The following DACH1 variants were observed in gnomAD, a reference collection of about 807,000 sequenced individuals.
DACH1 encodes the protein dachshund family transcription factor 1, also known as dachshund homolog 1.
Under a neutral mutation model 54.2 loss-of-function variants are expected in DACH1, and 12 were observed. The ratio of observed to expected loss-of-function variants is 0.22; its 90% CI spans 0.14 to 0.36. The LOEUF is 0.36. DACH1 is among the 10% of genes least tolerant of loss of function. DACH1 has a pLI of 1.00. For synonymous variants in DACH1, 386 were observed against 366.2 expected, an observed-to-expected ratio of 1.05 and a Z score of -0.62; for missense variants, 805 against 929.8, an observed-to-expected ratio of 0.87 and a Z score of 1.75.
intron 6 of DACH1, among the ~76,000 whole-genome samples, chr13:71,500,192 G>A (rs182397146): frequency 6.6e-6 from 1 of 152,226 alleles, no homozygotes; most frequent in Admixed American, 6.5e-5. Context: ...TGCCAAAAAT[G>A]AGTTTCTGAA....
intron 3 of DACH1, among the ~76,000 whole-genome samples, chr13:71,628,045 T>C (rs758466671): frequency 2.1e-4 from 32 of 152,134 alleles, no homozygotes; most frequent in Non-Finnish European, 3.5e-4. Context: ...ATTCTCATGA[T>C]ATGATACTAT....
intron 1 of DACH1, among the ~76,000 whole-genome samples, chr13:71,703,047 T>A (rs1217913118): frequency 6.6e-6 from 1 of 152,220 alleles, no homozygotes; most frequent in African/African-American, 2.4e-5. Flanking sequence ...TTTTAAACTG[T>A]TCTCTTTTTA....
chr13:71,567,198 GAATTT>G (rs1884943496), intron 4 of DACH1, among the ~76,000 whole-genome samples: 2 of 151,830 alleles, frequency 1.3e-5, no homozygotes, highest in Non-Finnish European at 2.9e-5. Flanking sequence ...GAAAATTAAC[GAATTT>G]AAGTCATATT....
At chr13:71,537,531 A>G (rs1203329544) in intron 6 of DACH1, among the ~76,000 whole-genome samples, 3 of 152,156 alleles carry the variant, frequency 2.0e-5, no homozygotes, top group African/African-American at 7.2e-5. Context: ...TCAGACCTCA[A>G]TGAATAATTG....
intron 1 of DACH1, among the ~76,000 whole-genome samples, chr13:71,828,880 T>C (rs1594272585): frequency 6.6e-6 from 1 of 151,998 alleles, no homozygotes; most frequent in East Asian, 1.9e-4. Flanking sequence ...GCCTTATGCT[T>C]ATACTGTTGC....
chr13:71,561,035 T>C (rs887500014), intron 4 of DACH1, among the ~76,000 whole-genome samples: 2 of 152,186 alleles, frequency 1.3e-5, no homozygotes, highest in African/African-American at 2.4e-5. Context: ...AGGAGGCTAA[T>C]GTTTCCAAAA....
At chr13:71,559,462 G>T (rs915008614) in intron 5 of DACH1, among the ~76,000 whole-genome samples, 2 of 152,248 alleles carry the variant, frequency 1.3e-5, no homozygotes, top group Admixed American at 6.5e-5. Context: ...GGCAGAGTAG[G>T]ATTTGAGGAA....
At chr13:71,617,832 TA>T (rs1345986313) in intron 3 of DACH1, among the ~76,000 whole-genome samples, 3 of 151,994 alleles carry the variant, frequency 2.0e-5, no homozygotes, top group South Asian at 4.1e-4. Flanking sequence ...AAGCAATCAA[TA>T]AAAAAAGTAC....
intron 1 of DACH1, among the ~76,000 whole-genome samples, chr13:71,863,643 A>C (rs2138298408): frequency 6.6e-6 from 1 of 152,222 alleles, no homozygotes; most frequent in African/African-American, 2.4e-5. Flanking sequence ...TATTTAGTTA[A>C]AAGTTAAAGA....
chr13:71,667,948 G>T (rs992849979), intron 2 of DACH1, among the ~76,000 whole-genome samples: 3 of 151,872 alleles, frequency 2.0e-5, no homozygotes, highest in African/African-American at 2.4e-5. Flanking sequence ...TTCCCTAAAA[G>T]AATTTTATTA....
At chr13:71,464,845 T>C (rs1044141562) in intron 10 of DACH1, 1 of 379,824 alleles carries the variant, frequency 2.6e-6, no homozygotes, top group African/African-American at 2.1e-5. Flanking sequence ...CAAGAGAAAT[T>C]TCTGACACAA....
At chr13:71,862,814 T>G (rs1874442728) in intron 1 of DACH1, among the ~76,000 whole-genome samples, 1 of 152,108 alleles carries the variant, frequency 6.6e-6, no homozygotes, top group Non-Finnish European at 1.5e-5. Context: ...TATTATTCCA[T>G]GCTATTAAGA....
At chr13:71,700,099 GCACACACACA>G (rs149264805) in intron 1 of DACH1, among the ~76,000 whole-genome samples, 2 of 149,864 alleles carry the variant, frequency 1.3e-5, no homozygotes, top group South Asian at 4.3e-4. Context: ...GCATGCATGT[GCACACACACA>G]CACACACACG....
intron 6 of DACH1, among the ~76,000 whole-genome samples, chr13:71,500,315 G>T (rs1221340626): frequency 6.6e-6 from 1 of 152,020 alleles, no homozygotes; most frequent in Non-Finnish European, 1.5e-5. Flanking sequence ...GAAATGCTAG[G>T]CACCATCACA....
chr13:71,651,225 G>GACAT (rs1878640760), intron 2 of DACH1, among the ~76,000 whole-genome samples: 1 of 151,928 alleles, frequency 6.6e-6, no homozygotes, highest in South Asian at 2.1e-4. Context: ...ATGAGGGCAG[G>GACAT]GCACGGTGGC....
chr13:71,841,466 T>G (rs1872838643), intron 1 of DACH1, among the ~76,000 whole-genome samples: 2 of 152,188 alleles, frequency 1.3e-5, no homozygotes. Context: ...ATCCCAAAGT[T>G]TAAGTTCTTT....
chr13:71,596,166 T>C (rs954054817), intron 3 of DACH1, among the ~76,000 whole-genome samples: 12 of 152,270 alleles, frequency 7.9e-5, no homozygotes, highest in Admixed American at 2.0e-4. Context: ...TATGAACTTA[T>C]TTCATACTTC....
intron 2 of DACH1, among the ~76,000 whole-genome samples, chr13:71,656,086 G>A (rs377499468): frequency 6.6e-6 from 1 of 152,068 alleles, no homozygotes; most frequent in East Asian, 1.9e-4. Flanking sequence ...TTGGGTATTG[G>A]GCTTTATTTA....
chr13:71,667,070 T>C (rs1879889215), intron 2 of DACH1, among the ~76,000 whole-genome samples: 1 of 152,090 alleles, frequency 6.6e-6, no homozygotes, highest in African/African-American at 2.4e-5. Flanking sequence ...AATAGGAATA[T>C]GTACACATGA....
Sources: allele counts gnomAD v4.1 joint callset (sites outside exome capture counted in the v4.1 genomes callset), GRCh38; gene constraint gnomAD v4.1.1; transcripts MANE v1.5; gene names NCBI Gene and HGNC (gene_info 2026-07-23, HGNC 2026-07-21).